Variants in ABCC4 observed in about 807,000 individuals in gnomAD.
The protein encoded by ABCC4 is ATP-binding cassette sub-family C member 4.
A neutral mutation model predicts 168.5 loss-of-function variants in ABCC4; 102 were observed. The observed-to-expected ratio is 0.61, with a 90% CI of 0.52 to 0.71. The LOEUF (loss-of-function observed/expected upper bound fraction) is 0.71, where lower values mean the gene tolerates loss of function less well. ABCC4 is among the 30% of genes least tolerant of loss of function. The pLI is 0.00. For synonymous variants in ABCC4, 617 were observed against 590.7 expected, an observed-to-expected ratio of 1.04 and a Z score of -0.65; for missense variants, 1,402 against 1,605.8, an observed-to-expected ratio of 0.87 and a Z score of 2.17.
intron 4 of ABCC4, among the ~76,000 whole-genome samples, chr13:95,232,125 A>ATGGTGATGGTGG (rs71111599): frequency 6.6e-6 from 1 of 151,006 alleles, no homozygotes; most frequent in East Asian, 1.9e-4. Context: ...GCTGCTGATG[A>ATGGTGATGGTGG]TGATGGTGGT....
At chr13:95,218,053 T>C (rs1403537856) in intron 4 of ABCC4, among the ~76,000 whole-genome samples, 1 of 152,228 alleles carries the variant, frequency 6.6e-6, no homozygotes, top group Non-Finnish European at 1.5e-5. Flanking sequence ...AATAAGCATA[T>C]AAAGTAAGTA....
chr13:95,281,629 G>A (rs1294245511), intron 1 of ABCC4, among the ~76,000 whole-genome samples: 1 of 152,140 alleles, frequency 6.6e-6, no homozygotes, highest in Admixed American at 6.5e-5. Context: ...AAAAGAGGGA[G>A]TAGTTCTATA....
chr13:95,209,048 A>G (rs975349862), intron 6 of ABCC4, among the ~76,000 whole-genome samples: 1 of 86,770 alleles, frequency 1.2e-5, no homozygotes, highest in Non-Finnish European at 2.6e-5. Flanking sequence ...ACACACATAT[A>G]TACACGTGAA....
rs748741707 is a variant in ABCC4 at position 95,037,621 on chromosome 13, C to T, written c.3736-2882G>A. Among the ~76,000 whole-genome samples the T allele has an allele frequency of 5.1e-4, 77 of 152,164 alleles. 2 individuals carry two copies. Among genetic ancestry groups the T allele is most frequent in the Non-Finnish European group, 1.5e-4 (10 of 68,040 alleles). On this transcript the variant is annotated intron_variant, in intron 29 of 30. Coordinates refer to ENST00000645237, the MANE Select transcript of ABCC4 (RefSeq NM_005845.5). ...CTCTTCATGTGAGTTCCCAGAGGTA[C>T]ATTATTATTTACTTTCAGTTTCTTT...
At chr13:95,199,201 C>T (rs1267292074) in intron 8 of ABCC4, among the ~76,000 whole-genome samples, 1 of 152,078 alleles carries the variant, frequency 6.6e-6, no homozygotes, top group Non-Finnish European at 1.5e-5. Context: ...ATGTGTCTGC[C>T]AAGCTCTGGT....
intron 1 of ABCC4, among the ~76,000 whole-genome samples, chr13:95,295,397 C>A (rs1342424974): frequency 2.0e-5 from 3 of 152,066 alleles, no homozygotes; most frequent in Admixed American, 2.0e-4. Flanking sequence ...CAGTGGCTCG[C>A]CCCCGTAATC....
At chr13:95,071,539 A>C in intron 25 of ABCC4, 123 bp downstream of exon 25, 1 of 806,338 alleles carries the variant, frequency 1.2e-6, no homozygotes, top group Non-Finnish European at 1.8e-6. Flanking sequence ...TTCCATGGTT[A>C]GTTTCCAAGA....
chr13:95,165,995 C>T (rs1190551635), intron 15 of ABCC4, among the ~76,000 whole-genome samples, 163 bp downstream of exon 15: 1 of 152,156 alleles, frequency 6.6e-6, no homozygotes, highest in African/African-American at 2.4e-5. Flanking sequence ...GGGTGGTTTG[C>T]CTTGGTTCCG....
intron 20 of ABCC4, among the ~76,000 whole-genome samples, chr13:95,087,400 T>A (rs1346230717): frequency 3.3e-5 from 5 of 152,062 alleles, no homozygotes; most frequent in Non-Finnish European, 5.9e-5. Context: ...ATGCCTGCAA[T>A]CCCAGCTACT....
chr13:95,069,620 C>T (rs1376758915), intron 25 of ABCC4, among the ~76,000 whole-genome samples: 1 of 152,018 alleles, frequency 6.6e-6, no homozygotes, highest in Non-Finnish European at 1.5e-5. Flanking sequence ...ATGCCCATTC[C>T]CCTACCCCTG....
At chr13:95,278,623 T>TGCCTCTAC (rs1282352628) in intron 1 of ABCC4, among the ~76,000 whole-genome samples, 1 of 151,880 alleles carries the variant, frequency 6.6e-6, no homozygotes, top group African/African-American at 2.4e-5. Flanking sequence ...GGTAAAACCC[T>TGCCTCTAC]GCCTCTACAA....
intron 30 of ABCC4, among the ~76,000 whole-genome samples, chr13:95,029,003 T>C (rs938592392): frequency 2.6e-5 from 4 of 151,454 alleles, no homozygotes; most frequent in African/African-American, 9.7e-5. Flanking sequence ...CCATCTCTAC[T>C]AAAAATACAA....
chr13:95,189,479 T>G (rs2139629635), intron 9 of ABCC4, among the ~76,000 whole-genome samples: 1 of 152,308 alleles, frequency 6.6e-6, no homozygotes, highest in East Asian at 1.9e-4. Context: ...ATTTTCATTC[T>G]GTCCCTTGGT....
At chr13:95,064,855 A>G (rs1463355183) in intron 25 of ABCC4, among the ~76,000 whole-genome samples, 2 of 152,206 alleles carry the variant, frequency 1.3e-5, no homozygotes, top group African/African-American at 2.4e-5. Context: ...CAAGTCTTTC[A>G]TAAGTCACCA....
intron 26 of ABCC4, among the ~76,000 whole-genome samples, chr13:95,061,013 G>A (rs995526860): frequency 7.9e-5 from 12 of 152,224 alleles, no homozygotes; most frequent in South Asian, 2.1e-4. Context: ...GTCCTTTTGT[G>A]ACTGGCTTAT....
intron 1 of ABCC4, among the ~76,000 whole-genome samples, chr13:95,286,695 G>A (rs909311069): frequency 3.3e-5 from 5 of 152,030 alleles, no homozygotes; most frequent in Admixed American, 1.3e-4. Flanking sequence ...GGAGGCTCAC[G>A]CCTGTAATCC....
intron 30 of ABCC4, 117 bp downstream of exon 30, chr13:95,034,488 C>T: frequency 7.2e-7 from 1 of 1,388,300 alleles, no homozygotes; most frequent in Admixed American, 2.8e-5. Flanking sequence ...AGCTTTGTCT[C>T]TGCAGGCTTA....
intron 18 of ABCC4, 35 bp downstream of exon 18, chr13:95,163,087 C>G: frequency 1.4e-6 from 2 of 1,463,822 alleles, no homozygotes; most frequent in Non-Finnish European, 1.9e-6. Context: ...AGCACCTCAG[C>G]CTCTCATACA....
At chr13:95,246,216 G>C (rs971535889) in intron 3 of ABCC4, among the ~76,000 whole-genome samples, 1 of 152,120 alleles carries the variant, frequency 6.6e-6, no homozygotes, top group Non-Finnish European at 1.5e-5. Flanking sequence ...TTCTCTGCAG[G>C]GCCAGGCACC....
Sources: gnomAD v4.1 joint callset for allele counts (sites outside exome capture counted in the v4.1 genomes callset) on GRCh38, gnomAD v4.1.1 for gene constraint, MANE v1.5 for transcripts, NCBI Gene and HGNC (gene_info 2026-07-23, HGNC 2026-07-21) for gene names.